Variants in RBM47 observed in about 807,000 individuals in gnomAD.
RBM47 encodes the protein RNA binding motif protein 47, also known as RNA-binding protein 47.
Under a neutral mutation model 47.1 loss-of-function variants are expected in RBM47, and 21 were observed. The observed-to-expected ratio is 0.45, with a 90% CI of 0.32 to 0.64. The LOEUF (loss-of-function observed/expected upper bound fraction) is 0.64. Among genes scored for constraint, RBM47 ranks in the 30% least tolerant of loss-of-function variants. The probability of loss-of-function intolerance (pLI) is 0.05; values close to 1 mark genes in which losing one functional copy is unlikely to be tolerated. For synonymous variants in RBM47, 375 were observed against 361.7 expected (o/e 1.04, Z -0.42); for missense variants, 708 against 870.9 (o/e 0.81, Z 2.35).
chr4:40,530,028 C>T (rs746932611), intron 2 of RBM47, among the ~76,000 whole-genome samples: 69 of 138,586 alleles, frequency 5.0e-4, no homozygotes, highest in Admixed American at 1.4e-3. Context: ...CTCCGCTTCC[C>T]GGGTTCAAGC....
intron 1 of RBM47, among the ~76,000 whole-genome samples, chr4:40,590,674 G>T (rs117112254): frequency 1.3e-5 from 2 of 152,298 alleles, no homozygotes; most frequent in East Asian, 3.9e-4. Context: ...TACAAAATGT[G>T]ATATTGTCCA....
chr4:40,540,399 G>A (rs1179655851), intron 2 of RBM47, among the ~76,000 whole-genome samples: 1 of 152,034 alleles, frequency 6.6e-6, no homozygotes, highest in Admixed American at 6.6e-5. Flanking sequence ...CAGCACTTTG[G>A]GAGGCCGAGG....
intron 2 of RBM47, among the ~76,000 whole-genome samples, chr4:40,535,377 T>TTTTTTTTTTTTTCTTTTTTTTTTC: frequency 2.9e-5 from 4 of 135,624 alleles, no homozygotes; most frequent in African/African-American, 1.2e-4. Context: ...ATTTCTTTTT[T>TTTTTTTTTTTTTCTTTTTTTTTTC]TTTTTTTTTT....
At chr4:40,611,153 G>A (rs1736227008) in intron 1 of RBM47, among the ~76,000 whole-genome samples, 2 of 152,110 alleles carry the variant, frequency 1.3e-5, no homozygotes, top group Non-Finnish European at 2.9e-5. Context: ...AAAATTTCAT[G>A]GGACTCATTT....
rs915932419 is a variant in RBM47, at chr4:40,425,015, C to A, written c.*889G>T. 1.3e-5 allele frequency: 2 copies of A among 152,048 alleles called. No individual in the cohort carries two copies. The highest frequency in any genetic ancestry group is 2.9e-5 in the Non-Finnish European group (2 of 68,022). 9.4% of individuals were successfully genotyped at this position (152,048 alleles called of 1,614,324 possible). A position where few individuals can be genotyped will look rare whatever the true frequency, so the allele number is the denominator to read the frequency against. ...AACAAAAAACAACGAAACAACAAAC[C>A]CCAACAAAAACCCAGGAAGAAGTAT... On this transcript the variant is annotated 3_prime_UTR_variant, in exon 7 of 7. Transcript: ENST00000295971.
intron 2 of RBM47, among the ~76,000 whole-genome samples, chr4:40,524,621 T>C (rs1726523774): frequency 1.3e-5 from 2 of 152,218 alleles, no homozygotes; most frequent in South Asian, 4.1e-4. Context: ...GATGCTTTCC[T>C]AGGCATGACA....
At position 40,425,321 on chromosome 4, in the gene RBM47, T is replaced by C. The variant is rs1467832453; in HGVS notation, c.*583A>G. On this transcript the variant is annotated 3_prime_UTR_variant, in exon 7 of 7. Transcript: ENST00000295971. ...AAAATAGTACCGCCATGATGATACA[T>C]GGTAACACCATCAACCCTTAATGCC... 1 of 152,808 alleles carries C rather than the reference T, an allele frequency of 6.5e-6. No homozygotes were observed. Among genetic ancestry groups the C allele is most frequent in the Non-Finnish European group, 1.5e-5 (1 of 68,172 alleles). 9.5% of individuals were successfully genotyped at this position (152,808 alleles called of 1,614,324 possible). A position where few individuals can be genotyped will look rare whatever the true frequency, so the allele number is the denominator to read the frequency against.
At chr4:40,531,645 T>C (rs1727400356) in intron 2 of RBM47, among the ~76,000 whole-genome samples, 1 of 147,484 alleles carries the variant, frequency 6.8e-6, no homozygotes, top group African/African-American at 2.6e-5. Flanking sequence ...ATGATGTGTG[T>C]TTTTCCTTTA....
At chr4:40,624,418 G>A (rs900942462) in intron 1 of RBM47, among the ~76,000 whole-genome samples, 8 of 152,162 alleles carry the variant, frequency 5.3e-5, no homozygotes, top group Admixed American at 5.2e-4. Context: ...AAACGTTGCT[G>A]ATTACCCTGA....
At chr4:40,586,177 C>T (rs1733562678) in intron 1 of RBM47, among the ~76,000 whole-genome samples, 1 of 152,196 alleles carries the variant, frequency 6.6e-6, no homozygotes, top group Non-Finnish European at 1.5e-5. Context: ...CTCTCCTCTG[C>T]ACTGTGCTGA....
chr4:40,597,146 G>A (rs1351567567), intron 1 of RBM47, among the ~76,000 whole-genome samples: 1 of 152,052 alleles, frequency 6.6e-6, no homozygotes, highest in Non-Finnish European at 1.5e-5. Context: ...TGTAGTCCCG[G>A]CTACTTGGGA....
chr4:40,498,217 G>A (rs1306236239), intron 2 of RBM47, among the ~76,000 whole-genome samples: 1 of 151,610 alleles, frequency 6.6e-6, no homozygotes, highest in Non-Finnish European at 1.5e-5. Context: ...ATACACAATT[G>A]GTTTGGGCCA....
chr4:40,581,434 TAATAAATAAATAAATA>T (rs375591976), intron 1 of RBM47, among the ~76,000 whole-genome samples: 1 of 138,988 alleles, frequency 7.2e-6, no homozygotes, highest in Non-Finnish European at 1.5e-5. Context: ...AAAAAAGTAA[TAATAAATAAATAAATA>T]AATAAATAAA....
intron 1 of RBM47, among the ~76,000 whole-genome samples, chr4:40,610,963 T>C (rs1348113477): frequency 1.3e-5 from 2 of 152,264 alleles, no homozygotes; most frequent in Admixed American, 6.5e-5. Flanking sequence ...AATTAAACCT[T>C]TTTCTTCCCA....
rs1156583319 is a variant in RBM47 at position 40,593,166 on chromosome 4, TTTTTTGTA to T, written c.-240+36222_-240+36229del. ...CCCGCGACCACGCCAGGCTAATTTT[TTTTTTGTA>T]TTTTTAGTAGAGACGGGGTTTCACC... On this transcript the variant is annotated intron_variant, in intron 1 of 6. Coordinates refer to ENST00000295971, the MANE Select transcript of RBM47 (RefSeq NM_001098634.2). 2.9e-3 allele frequency among the ~76,000 whole-genome samples: 430 copies of T among 148,848 alleles called. 1 individual carries two copies. The highest frequency in any genetic ancestry group is 0.01 in the African/African-American group (418 of 40,576).
intron 2 of RBM47, among the ~76,000 whole-genome samples, chr4:40,523,268 AT>A (rs1368695834): frequency 6.6e-6 from 1 of 152,004 alleles, no homozygotes; most frequent in Admixed American, 6.6e-5. Flanking sequence ...CACCTGGCTA[AT>A]AATTTTTAAG....
chr4:40,511,945 A>T (rs1250818735), intron 2 of RBM47, among the ~76,000 whole-genome samples: 1 of 151,808 alleles, frequency 6.6e-6, no homozygotes, highest in Non-Finnish European at 1.5e-5. Flanking sequence ...AAAAAAAAAA[A>T]AAAGAAAAGA....
At chr4:40,605,026 T>C (rs1468599798) in intron 1 of RBM47, among the ~76,000 whole-genome samples, 1 of 151,682 alleles carries the variant, frequency 6.6e-6, no homozygotes. Flanking sequence ...TTTGTTGTTG[T>C]TGTTGTCGTG....
intron 3 of RBM47, among the ~76,000 whole-genome samples, chr4:40,439,138 G>GA (rs1713233286): frequency 6.6e-6 from 1 of 151,556 alleles, no homozygotes; most frequent in South Asian, 2.1e-4. Context: ...AGTGAGTTAG[G>GA]AGAGAAAAAA....
Sources: gnomAD v4.1 joint callset for allele counts (sites outside exome capture counted in the v4.1 genomes callset) on GRCh38, gnomAD v4.1.1 for gene constraint, MANE v1.5 for transcripts, NCBI Gene and HGNC (gene_info 2026-07-23, HGNC 2026-07-21) for gene names.